Variants in SULF2 observed in about 807,000 individuals in gnomAD.
SULF2 encodes sulfatase 2.
In SULF2, 52 loss-of-function variants were observed where a neutral mutation model predicts 107.7. The observed-to-expected ratio is 0.48, with a 90% CI of 0.39 to 0.61. The LOEUF is 0.61. Among genes scored for constraint, SULF2 ranks in the 20% least tolerant of loss-of-function variants. SULF2 has a pLI of 0.00. For missense variants in SULF2, 993 were observed against 1,177.3 expected (o/e 0.84, Z 2.29); for synonymous variants, 460 against 464.3 (o/e 0.99, Z 0.12).
chr20:47,777,191 G>T (rs2090740141), intron 1 of SULF2, among the ~76,000 whole-genome samples: 1 of 152,198 alleles, frequency 6.6e-6, no homozygotes, highest in Middle Eastern at 3.2e-3. Context: ...GCATTCTAGG[G>T]AGGTGACATT....
chr20:47,690,301 G>T lies in SULF2; in HGVS notation c.568-6C>A. 1 of 1,464,304 alleles carries T rather than the reference G, an allele frequency of 6.8e-7. No homozygotes were observed. The highest frequency in any genetic ancestry group is 9.1e-7 in the Non-Finnish European group (1 of 1,098,934). 90.7% of individuals were successfully genotyped at this position (1,464,304 alleles called of 1,614,324 possible). Reference sequence around the variant, plus strand: ...ATGAGGTCTGTGAGGTAATCCTGGGGGGTGGGGAGAGACAGGAGAACAGGT... The same window carrying T: ...ATGAGGTCTGTGAGGTAATCCTGGGTGGTGGGGAGAGACAGGAGAACAGGT... On this transcript the variant is annotated splice_polypyrimidine_tract_variant and splice_region_variant and intron_variant, in intron 4 of 20. Coordinates refer to ENST00000688720, the MANE Select transcript of SULF2 (RefSeq NM_001387048.1).
At chr20:47,784,822 C>T (rs1365692703) in intron 1 of SULF2, among the ~76,000 whole-genome samples, 1 of 152,222 alleles carries the variant, frequency 6.6e-6, no homozygotes, top group Admixed American at 6.5e-5. Flanking sequence ...CTGCCCTGGC[C>T]TGGGAGGAAG....
At chr20:47,776,368 C>T (rs1443300317) in intron 1 of SULF2, among the ~76,000 whole-genome samples, 1 of 152,214 alleles carries the variant, frequency 6.6e-6, no homozygotes, top group Non-Finnish European at 1.5e-5. Context: ...GGAGAGACTT[C>T]GTTGTGTCTC....
intron 1 of SULF2, among the ~76,000 whole-genome samples, chr20:47,769,483 C>A (rs2090588540): frequency 6.6e-6 from 1 of 151,760 alleles, no homozygotes; most frequent in South Asian, 2.1e-4. Flanking sequence ...CAGGCGTGAA[C>A]CGCTGCACCT....
chr20:47,696,677 T>C (rs941197144), intron 4 of SULF2, among the ~76,000 whole-genome samples: 2 of 152,106 alleles, frequency 1.3e-5, no homozygotes. Flanking sequence ...AGATGGTGAT[T>C]TGTTGCAGTA....
chr20:47,665,150 T>C, intron 14 of SULF2, 49 bp downstream of exon 14: 5 of 1,190,368 alleles, frequency 4.2e-6, no homozygotes, highest in Middle Eastern at 3.8e-4. Flanking sequence ...AACTGAACTG[T>C]CCTGTAGGAG....
At position 47,675,432 on chromosome 20, in the gene SULF2, G is replaced by A. The variant is rs528371100; in HGVS notation, c.1380+1062C>T. Among the ~76,000 whole-genome samples the A allele has an allele frequency of 2.2e-4, 33 of 152,326 alleles. No homozygotes were observed. The South Asian group carries it at 6.6e-3, about 31-fold the overall frequency. ...GGTGGCAGATACGGGTTAATTGTGTGACTAAGAGGGGTCTGTGGGTTTACA... is the reference window on the plus strand; with the variant it reads ...GGTGGCAGATACGGGTTAATTGTGTAACTAAGAGGGGTCTGTGGGTTTACA... On this transcript the variant is annotated intron_variant, in intron 10 of 20. Transcript: ENST00000688720.
At position 47,745,399 on chromosome 20, in the gene SULF2, A is replaced by AGG. The variant is rs1568892177; in HGVS notation, c.176-8458_176-8457insCC. ...TTTTGAGGGAAAAAAAAAAAAAAAA[A>AGG]AAAAAAAAAAAATATATATATATAT... On this transcript the variant is annotated intron_variant, in intron 2 of 20. Coordinates refer to ENST00000688720, the MANE Select transcript of SULF2 (RefSeq NM_001387048.1). Among the ~76,000 whole-genome samples the AGG allele has an allele frequency of 1.0e-3, 29 of 27,728 alleles. 1 individual carries two copies. The highest frequency in any genetic ancestry group is 2.2e-3 in the Admixed American group (4 of 1,794). The allele number at this position is 27,728 out of a possible 152,430, so 18.2% of individuals were successfully genotyped here. A position where few individuals can be genotyped will look rare whatever the true frequency, so the allele number is the denominator to read the frequency against.
At chr20:47,697,670 G>T (rs1031545652) in intron 4 of SULF2, among the ~76,000 whole-genome samples, 1 of 152,158 alleles carries the variant, frequency 6.6e-6, no homozygotes, top group South Asian at 2.1e-4. Context: ...CTGGTAACTG[G>T]GGGGCCAGGA....
intron 1 of SULF2, among the ~76,000 whole-genome samples, chr20:47,765,739 C>T (rs745699580): frequency 6.6e-6 from 1 of 152,176 alleles, no homozygotes; most frequent in African/African-American, 2.4e-5. Flanking sequence ...TTGGATGTGC[C>T]ACCTCCAAGT....
In SULF2 at chr20:47,754,451, C is replaced by T. The variant is rs192909478; in HGVS notation, c.175+2738G>A. Among the ~76,000 whole-genome samples the T allele has an allele frequency of 2.0e-3, 310 of 151,370 alleles. 1 individual carries two copies. The highest frequency in any genetic ancestry group is 2.8e-3 in the Non-Finnish European group (192 of 67,756). ...GTCTGTCTAGTGGTTTATAAAAAGC[C>T]TATCATGCCCCTCCCACAACCACCT... On this transcript the variant is annotated intron_variant, in intron 2 of 20. Coordinates refer to ENST00000688720, the MANE Select transcript of SULF2 (RefSeq NM_001387048.1).
intron 1 of SULF2, among the ~76,000 whole-genome samples, chr20:47,777,219 C>G (rs62202165): frequency 0.072 from 11,026 of 152,224 alleles, 547 homozygotes; most frequent in African/African-American, 0.13. Flanking sequence ...AGATCCGAAG[C>G]ATAGGAAGGA....
rs145848713 is a variant in SULF2, at chr20:47,750,989, C to T, written c.175+6200G>A. Among the ~76,000 whole-genome samples the T allele has an allele frequency of 4.1e-3, 628 of 152,282 alleles. 3 individuals are homozygous for T. Among genetic ancestry groups the T allele is most frequent in the Non-Finnish European group, 5.5e-3 (377 of 68,016 alleles). On this transcript the variant is annotated intron_variant, in intron 2 of 20. Coordinates refer to ENST00000688720, the MANE Select transcript of SULF2 (RefSeq NM_001387048.1). Reference sequence around the variant, plus strand: ...TTTCTCCACCTTTCTCCTGGTTGATCGCCCCTCCTGGCTTCCCCTCCTGGC... The same window carrying T: ...TTTCTCCACCTTTCTCCTGGTTGATTGCCCCTCCTGGCTTCCCCTCCTGGC...
intron 3 of SULF2, among the ~76,000 whole-genome samples, chr20:47,705,175 A>G (rs1034080898): frequency 2.0e-5 from 3 of 152,228 alleles, no homozygotes; most frequent in Non-Finnish European, 4.4e-5. Context: ...GGAGGAGCTG[A>G]TGAAACACCT....
chr20:47,684,207 G>A (rs2146510459), intron 6 of SULF2: 1 of 463,948 alleles, frequency 2.2e-6, no homozygotes, highest in East Asian at 3.6e-5. Flanking sequence ...TAGCATATAT[G>A]GTTACCGTAT....
intron 3 of SULF2, among the ~76,000 whole-genome samples, chr20:47,715,684 T>C (rs1049603925): frequency 1.3e-5 from 2 of 151,242 alleles, no homozygotes. Context: ...CGGGTTCCAG[T>C]GATTCTCTTG....
chr20:47,696,703 G>A (rs1172151771), intron 4 of SULF2, among the ~76,000 whole-genome samples: 1 of 152,092 alleles, frequency 6.6e-6, no homozygotes. Flanking sequence ...TGTGGTGGGG[G>A]TGCCCTTATA....
At chr20:47,699,038 C>T (rs2088476908) in intron 4 of SULF2, among the ~76,000 whole-genome samples, 1 of 152,016 alleles carries the variant, frequency 6.6e-6, no homozygotes. Flanking sequence ...TCTCAAAAAA[C>T]AAAACAAAAC....
chr20:47,738,234 C>G (rs1354742188), intron 2 of SULF2, among the ~76,000 whole-genome samples: 4 of 152,228 alleles, frequency 2.6e-5, no homozygotes, highest in African/African-American at 7.2e-5. Context: ...GTGTGACACA[C>G]AGTGGGTACT....
Sources: allele counts gnomAD v4.1 joint callset (sites outside exome capture counted in the v4.1 genomes callset), GRCh38; gene constraint gnomAD v4.1.1; transcripts MANE v1.5; gene names NCBI Gene and HGNC (gene_info 2026-07-23, HGNC 2026-07-21).